The following RARB variants were observed in gnomAD, a reference collection of about 807,000 sequenced individuals.
The protein encoded by RARB is HBV-activated protein.
Under a neutral mutation model 51.9 loss-of-function variants are expected in RARB, and 17 were observed. That is an observed-to-expected ratio of 0.33 (90% CI 0.22 to 0.49). The LOEUF (loss-of-function observed/expected upper bound fraction) is 0.49. Ranked by LOEUF, RARB falls within the 20% of genes least tolerant of loss-of-function variation. RARB has a pLI of 0.99. For missense variants in RARB, 369 were observed against 550.8 expected, an observed-to-expected ratio of 0.67 and a Z score of 3.30; for synonymous variants, 215 against 195.4, an observed-to-expected ratio of 1.10 and a Z score of -0.84.
intron 2 of RARB, among the ~76,000 whole-genome samples, chr3:25,466,475 C>A (rs1390347120): frequency 6.6e-6 from 1 of 152,184 alleles, no homozygotes; most frequent in South Asian, 2.1e-4. Flanking sequence ...GGATTACAGG[C>A]GTGAGCCACC....
chr3:24,837,754 A>C (rs1702362553), intron 1 of RARB, among the ~76,000 whole-genome samples: 1 of 152,220 alleles, frequency 6.6e-6, no homozygotes, highest in Non-Finnish European at 1.5e-5. Flanking sequence ...ATAAATGATT[A>C]ATGACAAAGT....
intron 2 of RARB, among the ~76,000 whole-genome samples, chr3:25,007,230 A>G (rs1378256094): frequency 2.0e-5 from 3 of 152,314 alleles, no homozygotes; most frequent in East Asian, 1.9e-4. Flanking sequence ...GGAAATTGCA[A>G]CATTTGCCCT....
chr3:25,343,764 C>T (rs949261067), intron 5 of RARB, among the ~76,000 whole-genome samples: 2 of 152,058 alleles, frequency 1.3e-5, no homozygotes, highest in Non-Finnish European at 2.9e-5. Flanking sequence ...ACAAAAAAAT[C>T]AGGGAATAAT....
At chr3:25,478,563 T>C (rs1529670) in intron 2 of RARB, among the ~76,000 whole-genome samples, 43,225 of 152,168 alleles carry the variant, frequency 0.28, 6,690 homozygotes, top group East Asian at 0.44. Context: ...CTCAGTTAAA[T>C]GGCGGATGGA....
At chr3:25,072,708 TTTTA>T (rs1698792081) in intron 3 of RARB, among the ~76,000 whole-genome samples, 1 of 149,168 alleles carries the variant, frequency 6.7e-6, no homozygotes, top group South Asian at 2.2e-4. Flanking sequence ...TTCTTTAATT[TTTTA>T]TTTATTTTTT....
intron 3 of RARB, among the ~76,000 whole-genome samples, chr3:25,080,072 G>A (rs189659061): frequency 6.6e-6 from 1 of 152,268 alleles, no homozygotes; most frequent in East Asian, 1.9e-4. Context: ...AAACTCTGCA[G>A]TCATTAAGCA....
intron 2 of RARB, among the ~76,000 whole-genome samples, chr3:25,017,337 C>T (rs571463663): frequency 6.7e-6 from 1 of 149,894 alleles, no homozygotes; most frequent in Admixed American, 6.7e-5. Flanking sequence ...ATAACCCAGT[C>T]TATGTCTTCT....
At chr3:25,184,107 T>C (rs1233165496) in intron 5 of RARB, among the ~76,000 whole-genome samples, 2 of 151,790 alleles carry the variant, frequency 1.3e-5, no homozygotes, top group Admixed American at 6.6e-5. Context: ...AACTTAATAA[T>C]ATGAAAATCT....
chr3:25,144,873 G>A (rs1346945343), intron 4 of RARB, among the ~76,000 whole-genome samples: 2 of 152,190 alleles, frequency 1.3e-5, no homozygotes, highest in Non-Finnish European at 2.9e-5. Flanking sequence ...TTGGTGGAGT[G>A]GTGTGATGGC....
intron 5 of RARB, among the ~76,000 whole-genome samples, chr3:25,319,912 T>C (rs578172076): frequency 6.6e-6 from 1 of 152,282 alleles, no homozygotes; most frequent in South Asian, 2.1e-4. Flanking sequence ...AAAAAGTAAC[T>C]AGCACTATCT....
chr3:25,119,892 AAC>A (rs1699751590), intron 3 of RARB, among the ~76,000 whole-genome samples: 1 of 152,152 alleles, frequency 6.6e-6, no homozygotes, highest in East Asian at 1.9e-4. Context: ...TAAGTGAGAT[AAC>A]ATGTGAGACT....
intron 2 of RARB, among the ~76,000 whole-genome samples, chr3:25,050,610 T>C (rs9820537): frequency 0.72 from 109,020 of 152,032 alleles, 39,430 homozygotes; most frequent in Non-Finnish European, 0.74. Flanking sequence ...TTCAGCTTTT[T>C]AGCAAGTTTC....
At chr3:25,263,570 T>C (rs896998139) in intron 5 of RARB, among the ~76,000 whole-genome samples, 1 of 152,190 alleles carries the variant, frequency 6.6e-6, no homozygotes, top group Admixed American at 6.5e-5. Context: ...TGACTCCATC[T>C]GAGATTTTTC....
intron 5 of RARB, among the ~76,000 whole-genome samples, chr3:25,287,866 T>C (rs932985887): frequency 2.0e-5 from 3 of 152,052 alleles, no homozygotes; most frequent in Middle Eastern, 3.2e-3. Flanking sequence ...CATATTCACT[T>C]AGAGCTTGAT....
chr3:25,463,203 A>G (rs1369452199), intron 2 of RARB, among the ~76,000 whole-genome samples: 1 of 152,088 alleles, frequency 6.6e-6, no homozygotes, highest in Non-Finnish European at 1.5e-5. Context: ...CAGAGCTTCA[A>G]AGTAATAAGT....
At chr3:24,858,212 A>G (rs1331042126) in intron 1 of RARB, among the ~76,000 whole-genome samples, 1 of 152,202 alleles carries the variant, frequency 6.6e-6, no homozygotes, top group Admixed American at 6.5e-5. Flanking sequence ...GATGAAACCA[A>G]GAAGATTACA....
At chr3:24,930,745 G>A (rs1382258688) in intron 2 of RARB, among the ~76,000 whole-genome samples, 3 of 152,040 alleles carry the variant, frequency 2.0e-5, no homozygotes, top group Non-Finnish European at 4.4e-5. Flanking sequence ...ATGGAAGCTT[G>A]TGCCTATAAT....
chr3:25,442,619 T>C (rs2125531132), intron 1 of RARB, among the ~76,000 whole-genome samples: 1 of 152,324 alleles, frequency 6.6e-6, no homozygotes, highest in East Asian at 1.9e-4. Context: ...AAGCTCTAAT[T>C]ATCCCTTTAT....
intron 3 of RARB, among the ~76,000 whole-genome samples, chr3:25,546,742 C>T (rs546780422): frequency 2.6e-5 from 4 of 152,160 alleles, no homozygotes; most frequent in South Asian, 2.1e-4. Context: ...AGGGAGACAG[C>T]GAGGGATATA....
Sources: allele counts gnomAD v4.1 joint callset (sites outside exome capture counted in the v4.1 genomes callset), GRCh38; gene constraint gnomAD v4.1.1; transcripts MANE v1.5; gene names NCBI Gene and HGNC (gene_info 2026-07-23, HGNC 2026-07-21).